Variants in SBNO1 observed in about 807,000 individuals in gnomAD.
SBNO1 encodes protein strawberry notch homolog 1.
In SBNO1, 23 loss-of-function variants were observed where a neutral mutation model predicts 173.6. The observed-to-expected ratio is 0.13, with a 90% CI of 0.10 to 0.19. The LOEUF (loss-of-function observed/expected upper bound fraction) is 0.19. SBNO1 is among the 10% of genes least tolerant of loss of function. The pLI is 1.00. For synonymous variants in SBNO1, 632 were observed against 571.5 expected (o/e 1.11, Z -1.51); for missense variants, 1,238 against 1,671.2 (o/e 0.74, Z 4.52).
chr12:123,313,824 C>G, intron 23 of SBNO1, 105 bp from the exon 24 acceptor site: 1 of 654,948 alleles, frequency 1.5e-6, no homozygotes, highest in Non-Finnish European at 2.6e-6. Flanking sequence ...TGCGGTGGCT[C>G]ATGCCTGTAA....
intron 30 of SBNO1, 43 bp from the exon 31 acceptor site, chr12:123,298,214 GCA>G: frequency 6.6e-7 from 1 of 1,512,182 alleles, no homozygotes; most frequent in Non-Finnish European, 9.0e-7. Flanking sequence ...GTCTATATAT[GCA>G]CACAGACACG....
chr12:123,324,004 C>T (rs146074560), intron 15 of SBNO1, among the ~76,000 whole-genome samples, 173 bp from the exon 16 acceptor site: 54 of 152,188 alleles, frequency 3.5e-4, no homozygotes, highest in African/African-American at 1.2e-3. Flanking sequence ...AATAAGAATG[C>T]AAGCCAAACC....
rs1566016794 is a variant in SBNO1, at chr12:123,294,650, AAAAAAAAAAAAGAAAAAAAGAAAAGAAAG to A, written c.*1229_*1257del. 5.9e-6 allele frequency: 1 copy of A among 168,718 alleles called. No individual in the cohort carries two copies. Among genetic ancestry groups the A allele is most frequent in the Non-Finnish European group, 1.2e-5 (1 of 83,634 alleles). 10.5% of individuals were successfully genotyped at this position (168,718 alleles called of 1,614,324 possible). ...CTGTGGAAGCAAAAAAAAAAAAAAA[AAAAAAAAAAAAGAAAAAAAGAAAAGAAAG>A]AAAAAGAAAGAAAAGATAAAAAGAC... On this transcript the variant is annotated 3_prime_UTR_variant, in exon 32 of 32. Transcript: ENST00000602398.
chr12:123,328,551 T>C (rs76231683), intron 10 of SBNO1, among the ~76,000 whole-genome samples, 183 bp downstream of exon 10: 26 of 152,340 alleles, frequency 1.7e-4, no homozygotes, highest in East Asian at 3.9e-4. Context: ...AGATTAAACA[T>C]TGGTCTCCTA....
intron 7 of SBNO1, 100 bp from the exon 8 acceptor site, chr12:123,331,475 G>A (rs900925494): frequency 2.4e-5 from 20 of 820,020 alleles, no homozygotes; most frequent in Admixed American, 1.6e-4. Flanking sequence ...TATGTTTTTT[G>A]TTTTGTATAT....
chr12:123,309,445 C>G, intron 27 of SBNO1, 43 bp from the exon 28 acceptor site: 1 of 1,597,608 alleles, frequency 6.3e-7, no homozygotes, highest in Non-Finnish European at 8.6e-7. Flanking sequence ...TCTGTAAATG[C>G]ATCTCATGGG....
chr12:123,301,271 T>C (rs1391456549), intron 30 of SBNO1, among the ~76,000 whole-genome samples: 2 of 152,188 alleles, frequency 1.3e-5, no homozygotes, highest in Non-Finnish European at 2.9e-5. Context: ...CTCAAAGTGC[T>C]GGTACTACCA....
intron 2 of SBNO1, 84 bp downstream of exon 2, chr12:123,350,226 C>T: frequency 2.0e-6 from 3 of 1,504,794 alleles, no homozygotes; most frequent in Non-Finnish European, 2.7e-6. Flanking sequence ...TGCACCCCAG[C>T]CTGGGCCACA....
intron 3 of SBNO1, among the ~76,000 whole-genome samples, chr12:123,346,595 C>T (rs11057285): frequency 0.062 from 9,463 of 152,170 alleles, 328 homozygotes; most frequent in South Asian, 0.11. Context: ...ACACAGGAGG[C>T]GGAGGTTGCA....
chr12:123,329,595 T>TA (rs201157187), intron 9 of SBNO1, among the ~76,000 whole-genome samples: 4,828 of 150,484 alleles, frequency 0.032, 255 homozygotes, highest in African/African-American at 0.11. Context: ...CTCTGAAATT[T>TA]AAAAAAAAAA....
At chr12:123,352,402 C>T (rs1312977034) in intron 1 of SBNO1, among the ~76,000 whole-genome samples, 16 of 151,446 alleles carry the variant, frequency 1.1e-4, no homozygotes, top group African/African-American at 2.4e-5. Flanking sequence ...ACCACTGCCT[C>T]CCGGGCTGAT....
In SBNO1 at chr12:123,291,523, A is replaced by G. The variant is rs2048510623; in HGVS notation, c.*4385T>C. ...ATGACAGTATCAGAAATGGCACTCA[A>G]GTGCATCCCCCCAGTACAATGCATT... On this transcript the variant is annotated 3_prime_UTR_variant, in exon 32 of 32. Coordinates refer to ENST00000602398, the MANE Select transcript of SBNO1 (RefSeq NM_001167856.3). 6.6e-6 allele frequency: 1 copy of G among 152,216 alleles called. No individual in the cohort carries two copies. The highest frequency in any genetic ancestry group is 1.5e-5 in the Non-Finnish European group (1 of 68,048). 9.4% of individuals were successfully genotyped at this position (152,216 alleles called of 1,614,324 possible). A position where few individuals can be genotyped will look rare whatever the true frequency, so the allele number is the denominator to read the frequency against.
intron 2 of SBNO1, among the ~76,000 whole-genome samples, chr12:123,348,698 G>A (rs562863729): frequency 3.9e-5 from 6 of 152,148 alleles, no homozygotes; most frequent in Non-Finnish European, 8.8e-5. Flanking sequence ...CCTGGGAGGC[G>A]GAGGTTGCAG....
At chr12:123,312,713 A>G (rs1322916323) in intron 24 of SBNO1, among the ~76,000 whole-genome samples, 1 of 135,408 alleles carries the variant, frequency 7.4e-6, no homozygotes, top group African/African-American at 2.7e-5. Flanking sequence ...CCCGTCTCGA[A>G]AAAAAAAAAA....
In SBNO1 at chr12:123,319,939, T is replaced by C; in HGVS notation, c.2760A>G (p.Leu920=). Residue 920 remains leucine (L), a synonymous_variant, in exon 20 of 32, where the codon CTA becomes CTG. Transcript: ENST00000602398. ...TAAATCGTTGTTTTTCTGTGATGTT[T>C]AGTATTTCCACAGGCACATCAAGTT... is the stretch of plus-strand genomic sequence containing the variant. The part of the protein sequence containing the change: ...RSELDVPVEI[L]NITEKQRFMD... 1 of 1,613,940 alleles carries C rather than the reference T, an allele frequency of 6.2e-7. No homozygotes were observed. Among genetic ancestry groups the C allele is most frequent in the East Asian group, 2.2e-5 (1 of 44,880 alleles).
rs779079928 is a variant in SBNO1, at chr12:123,319,941, G to A, written c.2758C>T (p.Leu920=). Residue 920 remains leucine, a synonymous_variant, in exon 20 of 32, where the codon CTA becomes TTA. Transcript: ENST00000602398. ...RSELDVPVEI[L]NITEKQRFMD... ...AATCGTTGTTTTTCTGTGATGTTTA[G>A]TATTTCCACAGGCACATCAAGTTCA... 1.2e-6 allele frequency: 2 copies of A among 1,613,768 alleles called. No individual in the cohort carries two copies. Among genetic ancestry groups the A allele is most frequent in the South Asian group, 2.2e-5 (2 of 91,072 alleles).
At chr12:123,353,642 G>A (rs986106980) in intron 1 of SBNO1, among the ~76,000 whole-genome samples, 3 of 152,144 alleles carry the variant, frequency 2.0e-5, no homozygotes, top group Admixed American at 6.5e-5. Context: ...TTCTAATATA[G>A]ACACATTTGA....
At chr12:123,341,706 T>A (rs1310052526) in intron 4 of SBNO1, among the ~76,000 whole-genome samples, 5 of 151,496 alleles carry the variant, frequency 3.3e-5, no homozygotes, top group Non-Finnish European at 7.4e-5. Flanking sequence ...ATTTTTTTTT[T>A]AAGTAAAAAC....
chr12:123,300,990 AC>A lies in SBNO1; in HGVS notation c.3845+1833del, dbSNP rs1566021066. On this transcript the variant is annotated intron_variant, in intron 30 of 31. Coordinates refer to ENST00000602398, the MANE Select transcript of SBNO1 (RefSeq NM_001167856.3). Reference sequence around the variant, plus strand: ...AAAAACAAAAAAAAACAAAAAAAAAACCCAAGTTAGTAGGTTAACTTTTAAA... The same window carrying A: ...AAAAACAAAAAAAAACAAAAAAAAAACCAAGTTAGTAGGTTAACTTTTAAA... Among the ~76,000 whole-genome samples the A allele has an allele frequency of 2.3e-5, 3 of 131,360 alleles. No individual in the cohort carries two copies. The South Asian group carries it at 6.7e-4, about 29-fold the overall frequency. The allele number at this position is 131,360 out of a possible 152,430, so 86.2% of individuals were successfully genotyped here.
Sources: gnomAD v4.1 joint callset for allele counts (sites outside exome capture counted in the v4.1 genomes callset) on GRCh38, gnomAD v4.1.1 for gene constraint, MANE v1.5 for transcripts, NCBI Gene and HGNC (gene_info 2026-07-23, HGNC 2026-07-21) for gene names.